Variants in FSIP2 observed in about 807,000 individuals in gnomAD.
The protein encoded by FSIP2 is fibrous sheath-interacting protein 2.
Under a neutral mutation model 510.5 loss-of-function variants are expected in FSIP2, and 367 were observed. That is an observed-to-expected ratio of 0.72 (90% CI 0.66 to 0.78). FSIP2 has a LOEUF of 0.78. Ranked by LOEUF, FSIP2 falls within the 30% of genes least tolerant of loss-of-function variation. The pLI is 0.00. For missense variants in FSIP2, 7,594 were observed against 7,901.7 expected, an observed-to-expected ratio of 0.96 and a Z score of 1.48; for synonymous variants, 2,601 against 2,732.2, an observed-to-expected ratio of 0.95 and a Z score of 1.50.
At chr2:185,816,963 G>T (rs1693838938) in intron 19 of FSIP2, among the ~76,000 whole-genome samples, 1 of 109,012 alleles carries the variant, frequency 9.2e-6, no homozygotes, top group African/African-American at 3.2e-5. Flanking sequence ...ACAAAAGGAA[G>T]AAGGAAAGAA....
At position 185,747,379 on chromosome 2, in the gene FSIP2, A is replaced by G; in HGVS notation, c.826A>G (p.Ile276Val). 1 of 1,532,666 alleles carries G rather than the reference A, an allele frequency of 6.5e-7. No homozygotes were observed. The highest frequency in any genetic ancestry group is 8.7e-7 in the Non-Finnish European group (1 of 1,143,732). 94.9% of individuals were successfully genotyped at this position (1,532,666 alleles called of 1,614,324 possible). Reference sequence around the variant, plus strand: ...AGAAGATGTTAAAAGAGAAGAGAGGATAGAAGAACAACAGCATAGAAACAG... The same window carrying G: ...AGAAGATGTTAAAAGAGAAGAGAGGGTAGAAGAACAACAGCATAGAAACAG... Reference protein sequence around the residue: ...MAEDVKREERIEEQQHRNREE... With the variant: ...MAEDVKREERVEEQQHRNREE... Residue 276 changes from isoleucine (I) to valine (V), a missense_variant, in exon 7 of 23, where the codon ATA (isoleucine) becomes GTA (valine). Transcript: ENST00000424728.
Position 185,801,864 on chromosome 2 carries a change from G to A in FSIP2, c.12558G>A (p.Met4186Ile). The change falls in exon 17 of 23, where the codon ATG becomes ATA. Residue 4186 changes from methionine (M) to isoleucine (I), a missense_variant. By Grantham distance (10) the Met-to-Ile change is conservative. Transcript: ENST00000424728. ...EMSTCIINKV[M>I]SAISKHKIWF... ...CCACTTGTATAATAAATAAGGTTAT[G>A]TCAGCCATTTCAAAACATAAAATCT... 2.0e-6 allele frequency: 3 copies of A among 1,487,314 alleles called. No individual in the cohort carries two copies. Among genetic ancestry groups the A allele is most frequent in the Non-Finnish European group, 2.7e-6 (3 of 1,120,232 alleles). The allele number at this position is 1,487,314 out of a possible 1,614,324, so 92.1% of individuals were successfully genotyped here.
chr2:185,831,600 T>G (rs1694110015), intron 21 of FSIP2, among the ~76,000 whole-genome samples: 1 of 151,956 alleles, frequency 6.6e-6, no homozygotes, highest in South Asian at 2.1e-4. Context: ...TCTGCATTCA[T>G]AACAAGGGTC....
chr2:185,819,291 A>G (rs1271480061), intron 19 of FSIP2, among the ~76,000 whole-genome samples: 1 of 151,958 alleles, frequency 6.6e-6, no homozygotes, highest in African/African-American at 2.4e-5. Context: ...GAAGGACAAA[A>G]CAACTGTAAG....
chr2:185,816,719 A>C (rs1255799295), intron 19 of FSIP2, among the ~76,000 whole-genome samples: 1 of 151,698 alleles, frequency 6.6e-6, no homozygotes, highest in East Asian at 1.9e-4. Context: ...ATTAGCTGGA[A>C]TGGTCATGTG....
rs1458877155 is a variant in FSIP2, at chr2:185,762,032, AAT to A, written c.1240+17_1240+18del. On this transcript the variant is annotated intron_variant, in intron 11 of 22. Transcript: ENST00000424728. Reference sequence around the variant, plus strand: ...CGATGATAGAGGTAAGAAAATAAACAATAGTCATAATTTTTCTGTTATTAGGC... The same window carrying A: ...CGATGATAGAGGTAAGAAAATAAACAAGTCATAATTTTTCTGTTATTAGGC... 130 of 1,290,312 alleles carry A rather than the reference AAT, an allele frequency of 1.0e-4. No individual in the cohort carries two copies. The East Asian group carries it at 1.1e-3, about 11-fold the overall frequency. The allele number at this position is 1,290,312 out of a possible 1,614,324, so 79.9% of individuals were successfully genotyped here. A position where few individuals can be genotyped will look rare whatever the true frequency, so the allele number is the denominator to read the frequency against.
At chr2:185,809,181 G>A (rs1340741872) in intron 17 of FSIP2, 48 bp downstream of exon 17, 2 of 1,498,026 alleles carry the variant, frequency 1.3e-6, no homozygotes, top group East Asian at 2.3e-5. Context: ...GTGAGACATG[G>A]TTCTTCTGTG....
In FSIP2 at chr2:185,801,924, T is replaced by TG. The variant is rs768384777; in HGVS notation, c.12620dup (p.Asn4209LysfsTer12). 3.3e-6 allele frequency: 5 copies of TG among 1,514,732 alleles called. No individual in the cohort carries two copies. The highest frequency in any genetic ancestry group is 3.5e-6 in the Non-Finnish European group (4 of 1,133,420). The allele number at this position is 1,514,732 out of a possible 1,614,324, so 93.8% of individuals were successfully genotyped here. On this transcript the variant is annotated frameshift_variant, in exon 17 of 23. Transcript: ENST00000424728. LOFTEE classifies it high-confidence loss of function. The stretch of plus-strand genomic sequence containing the variant: ...TATATGATAATCAATATCTATATAC[T>TG]GGAAAAAACCTCCAAAAGATGGTGG...
Position 185,801,371 on chromosome 2 carries a change from A to G in FSIP2, c.12065A>G (p.Gln4022Arg), listed in dbSNP as rs1260841643. 3.3e-6 allele frequency: 5 copies of G among 1,533,996 alleles called. No homozygotes were observed. Among genetic ancestry groups the G allele is most frequent in the Non-Finnish European group, 4.4e-6 (5 of 1,145,584 alleles). ...NNVVNEFNNAQVTVLRNAEER... is the reference protein window; with the variant it reads ...NNVVNEFNNARVTVLRNAEER... ...GTAGTGAATGAATTTAATAATGCTC[A>G]AGTCACTGTTCTACGGAATGCTGAA... Residue 4022 changes from glutamine to arginine, a missense_variant, in exon 17 of 23, where the codon CAA (glutamine) becomes CGA (arginine). Coordinates refer to ENST00000424728, the MANE Select transcript of FSIP2 (RefSeq NM_173651.4).
rs1197171565 is a variant in FSIP2 at position 185,795,083 on chromosome 2, G to T, written c.7947G>T (p.Lys2649Asn). ...KITNFVSLPL[K>N]VSPKDNPKPC... Reference sequence around the variant, plus strand: ...CAAATTTTGTCTCACTTCCTTTAAAGGTGAGCCCTAAGGACAACCCTAAGC... The same window carrying T: ...CAAATTTTGTCTCACTTCCTTTAAATGTGAGCCCTAAGGACAACCCTAAGC... The change falls in exon 16 of 23, where the codon AAG becomes AAT. Residue 2649 changes from lysine to asparagine, a missense_variant. Transcript: ENST00000424728. 6.5e-7 allele frequency: 1 copy of T among 1,534,730 alleles called. No individual in the cohort carries two copies. Among genetic ancestry groups the T allele is most frequent in the Non-Finnish European group, 8.7e-7 (1 of 1,146,034 alleles).
At chr2:185,783,183 C>G (rs913577650) in intron 14 of FSIP2, among the ~76,000 whole-genome samples, 8 of 152,110 alleles carry the variant, frequency 5.3e-5, no homozygotes, top group Non-Finnish European at 1.5e-5. Flanking sequence ...TCCCCCACCC[C>G]AAAGGCTATT....
chr2:185,739,017 C>A, intron 1 of FSIP2, 24 bp downstream of exon 1: 1 of 1,526,004 alleles, frequency 6.6e-7, no homozygotes, highest in South Asian at 1.2e-5. Flanking sequence ...AGCTGGGCGG[C>A]GTCGCCCTCT....
rs890848177 is a variant in FSIP2 at position 185,803,174 on chromosome 2, T to C, written c.13868T>C (p.Leu4623Ser). 1 of 1,532,626 alleles carries C rather than the reference T, an allele frequency of 6.5e-7. No individual in the cohort carries two copies. Among genetic ancestry groups the C allele is most frequent in the Non-Finnish European group, 8.7e-7 (1 of 1,144,788 alleles). The allele number at this position is 1,532,626 out of a possible 1,614,324, so 94.9% of individuals were successfully genotyped here. The change falls in exon 17 of 23, where the codon TTG becomes TCG. Residue 4623 changes from leucine to serine, a missense_variant. By Grantham distance (145) the Leu-to-Ser change is moderately radical. Transcript: ENST00000424728. Reference protein sequence around the residue: ...FYTSVYSSTFLEDVISGVLRK... With the variant: ...FYTSVYSSTFSEDVISGVLRK... Reference sequence around the variant, plus strand: ...ACCAGTGTTTACTCTTCAACATTCTTGGAAGATGTAATCTCTGGGGTTTTA... The same window carrying C: ...ACCAGTGTTTACTCTTCAACATTCTCGGAAGATGTAATCTCTGGGGTTTTA...
intron 13 of FSIP2, among the ~76,000 whole-genome samples, chr2:185,781,647 C>T (rs778458736): frequency 5.9e-5 from 9 of 152,178 alleles, no homozygotes; most frequent in Non-Finnish European, 1.0e-4. Flanking sequence ...TGTGTTCTCA[C>T]ATTTGTCTTA....
chr2:185,808,791 T>A lies in FSIP2; in HGVS notation c.19485T>A (p.His6495Gln). The change falls in exon 17 of 23, where the codon CAT becomes CAA. Residue 6495 changes from histidine to glutamine, a missense_variant. Physicochemically the swap from His to Gln is conservative, Grantham distance 24. Coordinates refer to ENST00000424728, the MANE Select transcript of FSIP2 (RefSeq NM_173651.4). ...GAATTGTTCAAAAGGCCCAAGAACA[T>A]GCTTTTAATGTGATTCCTGAATTAG... ...VNRIVQKAQE[H>Q]AFNVIPELEQ... The A allele has an allele frequency of 6.2e-7, 1 of 1,612,708 alleles. No homozygotes were observed.
chr2:185,805,961 AGCCAAATTT>A lies in FSIP2; in HGVS notation c.16657_16665del (p.Pro5553_Leu5555del). 3 of 1,572,800 alleles carry A rather than the reference AGCCAAATTT, an allele frequency of 1.9e-6. No homozygotes were observed. The highest frequency in any genetic ancestry group is 2.6e-6 in the Non-Finnish European group (3 of 1,165,738). ...ACTGTGAAAAGTAAAGATACTCAGG[AGCCAAATTT>A]GAGTGAAACATTTAATAATAATGAA... On this transcript the variant is annotated inframe_deletion, in exon 17 of 23. Coordinates refer to ENST00000424728, the MANE Select transcript of FSIP2 (RefSeq NM_173651.4).
chr2:185,793,851 C>T lies in FSIP2; in HGVS notation c.6715C>T (p.Gln2239Ter). 6.5e-7 allele frequency: 1 copy of T among 1,531,764 alleles called. No individual in the cohort carries two copies. The highest frequency in any genetic ancestry group is 8.7e-7 in the Non-Finnish European group (1 of 1,144,554). 94.9% of individuals were successfully genotyped at this position (1,531,764 alleles called of 1,614,324 possible). ...QITVVEKEDT[Q>*]KSATDSCEEN... is the part of the protein sequence containing the mutation. ...AACTGTAGTAGAGAAAGAAGACACT[C>T]AGAAATCTGCTACTGACTCATGTGA... The change falls in exon 16 of 23, where the codon CAG becomes TAG. Residue 2239 changes from glutamine (Q) to a stop codon, truncating the protein, a stop_gained. Transcript: ENST00000424728. LOFTEE classifies it high-confidence loss of function.
Position 185,756,039 on chromosome 2 carries a change from C to T in FSIP2, c.992-153C>T, listed in dbSNP as rs150295363. 3.1e-3 allele frequency among the ~76,000 whole-genome samples: 463 copies of T among 151,676 alleles called. 1 individual carries two copies. The highest frequency in any genetic ancestry group is 0.011 in the African/African-American group (439 of 41,484). ...AAGAATTGTCTTTTCTCCCATTTCA[C>T]ATCACTGTATCTTCTCCAATTTTTC... On this transcript the variant is annotated intron_variant, in intron 8 of 22. Transcript: ENST00000424728.
At chr2:185,831,704 T>C (rs2105693197) in intron 21 of FSIP2, 109 bp from the exon 22 acceptor site, 1 of 716,506 alleles carries the variant, frequency 1.4e-6, no homozygotes, top group East Asian at 2.6e-5. Flanking sequence ...TTATGTAAGA[T>C]GCTGTAGTGG....
Sources: gnomAD v4.1 joint callset for allele counts (sites outside exome capture counted in the v4.1 genomes callset) on GRCh38, gnomAD v4.1.1 for gene constraint, MANE v1.5 for transcripts, NCBI Gene and HGNC (gene_info 2026-07-23, HGNC 2026-07-21) for gene names.